The following CTBP2 variants were observed in gnomAD, a reference collection of about 807,000 sequenced individuals.
CTBP2 encodes C-terminal-binding protein 2.
In CTBP2, 30 loss-of-function variants were observed where a neutral mutation model predicts 80.3. That is an observed-to-expected ratio of 0.37 (90% CI 0.28 to 0.51). CTBP2 has a LOEUF of 0.51. Ranked by LOEUF, CTBP2 falls within the 20% of genes least tolerant of loss-of-function variation. The pLI, the probability that CTBP2 is intolerant of heterozygous loss-of-function variation, is 0.93. For missense variants in CTBP2, 1,212 were observed against 1,375.3 expected (o/e 0.88, Z 1.88); for synonymous variants, 594 against 587.4 (o/e 1.01, Z -0.16).
chr10:125,138,375 T>TGAAA (rs1338554107), intron 1 of CTBP2: 1 of 152,160 alleles, frequency 6.6e-6, no homozygotes, highest in African/African-American at 2.4e-5. Flanking sequence ...CGCTGACACT[T>TGAAA]GAAAGGCAAC....
intron 3 of CTBP2, among the ~76,000 whole-genome samples, chr10:125,037,643 G>T (rs918213294): frequency 6.6e-6 from 1 of 152,224 alleles, no homozygotes; most frequent in Non-Finnish European, 1.5e-5. Context: ...TAAACACAAT[G>T]CGTGACCCTT....
intron 1 of CTBP2, among the ~76,000 whole-genome samples, chr10:125,006,855 G>A (rs996785866): frequency 7.0e-6 from 1 of 143,832 alleles, no homozygotes; most frequent in Non-Finnish European, 1.5e-5. Flanking sequence ...GGCTTCCGAA[G>A]AACTGGGCTT....
At chr10:125,005,644 C>G (rs758589323) in intron 1 of CTBP2, 3 of 1,612,820 alleles carry the variant, frequency 1.9e-6, no homozygotes, top group East Asian at 2.2e-5. Flanking sequence ...CGTCACCTGA[C>G]GAGGAACCCG....
chr10:125,051,378 G>A lies in CTBP2; in HGVS notation c.-101-12223C>T, dbSNP rs185482899. Among the ~76,000 whole-genome samples the A allele has an allele frequency of 3.1e-3, 469 of 152,292 alleles. 3 individuals carry two copies. The highest frequency in any genetic ancestry group is 6.8e-3 in the Middle Eastern group (2 of 294). On this transcript the variant is annotated intron_variant, in intron 2 of 10. Transcript: ENST00000337195. Reference sequence around the variant, plus strand: ...TTTCAGGCCAGGCATGGTGGCTCACGCCTGTAATCCCAGCACTTTGGGAGG... The same window carrying A: ...TTTCAGGCCAGGCATGGTGGCTCACACCTGTAATCCCAGCACTTTGGGAGG...
At chr10:125,051,780 G>C (rs891674124) in intron 2 of CTBP2, among the ~76,000 whole-genome samples, 1 of 152,142 alleles carries the variant, frequency 6.6e-6, no homozygotes, top group Admixed American at 6.5e-5. Context: ...CCTCAGAATG[G>C]AACCTTATTT....
chr10:125,119,783 A>G (rs1312386203), intron 1 of CTBP2, among the ~76,000 whole-genome samples: 1 of 152,196 alleles, frequency 6.6e-6, no homozygotes, highest in East Asian at 1.9e-4. Context: ...TATTTTCTGC[A>G]AAGAGCATGA....
chr10:125,131,489 CAT>C (rs1344107934), intron 1 of CTBP2, among the ~76,000 whole-genome samples: 1 of 152,142 alleles, frequency 6.6e-6, no homozygotes, highest in Non-Finnish European at 1.5e-5. Context: ...GAAGTGAAGC[CAT>C]GAGGTTCATT....
chr10:125,069,195 C>T (rs1226589362), intron 2 of CTBP2, among the ~76,000 whole-genome samples: 1 of 152,202 alleles, frequency 6.6e-6, no homozygotes, highest in East Asian at 1.9e-4. Flanking sequence ...CCAGCTCCTA[C>T]AAATCAGGAC....
At chr10:125,033,082 G>A (rs148698985) in intron 3 of CTBP2, among the ~76,000 whole-genome samples, 68 of 152,276 alleles carry the variant, frequency 4.5e-4, no homozygotes, top group Non-Finnish European at 7.3e-4. Flanking sequence ...ATAAATCTGC[G>A]TCACCCATCC....
chr10:125,094,252 G>A (rs997970981), intron 2 of CTBP2, among the ~76,000 whole-genome samples: 9 of 152,144 alleles, frequency 5.9e-5, no homozygotes, highest in Non-Finnish European at 1.3e-4. Context: ...CACAAGTGGT[G>A]GAGCCATCCC....
chr10:125,127,299 A>T (rs1340843814), intron 1 of CTBP2, among the ~76,000 whole-genome samples: 6 of 151,942 alleles, frequency 3.9e-5, no homozygotes, highest in African/African-American at 1.5e-4. Flanking sequence ...AACAAGCCCA[A>T]TCCTGCCCTG....
intron 2 of CTBP2, among the ~76,000 whole-genome samples, chr10:125,083,969 T>C (rs904619700): frequency 2.0e-5 from 3 of 152,090 alleles, no homozygotes; most frequent in Non-Finnish European, 4.4e-5. Flanking sequence ...TTAGTAGATA[T>C]GGGGTTTCAC....
At chr10:125,147,899 G>A (rs75456377) in intron 1 of CTBP2, among the ~76,000 whole-genome samples, 12,077 of 151,612 alleles carry the variant, frequency 0.08, 670 homozygotes, top group Middle Eastern at 0.14. Context: ...CCCCCATCTC[G>A]GGAAAAAAAA....
In CTBP2 at chr10:125,027,137, C is replaced by T; in HGVS notation, c.623G>A (p.Ser208Asn). ...TTCGCTGATGTCGCTGAAGACCTGG[C>T]TGAGGGGGTAGGCAGGCACCTCCGC... Residue 208 changes from serine (S) to asparagine (N), a missense_variant, in exon 1 of 9, where the codon AGC becomes AAC. By Grantham distance (46) the Ser-to-Asn change is conservative (BLOSUM62 1). Coordinates refer to ENST00000309035, the MANE Select transcript of CTBP2 (RefSeq NM_022802.3). The T allele has an allele frequency of 1.2e-6, 2 of 1,604,152 alleles. No individual in the cohort carries two copies. Among genetic ancestry groups the T allele is most frequent in the African/African-American group, 1.3e-5 (1 of 74,830 alleles).
At chr10:125,037,427 C>G (rs1959012345) in intron 3 of CTBP2, among the ~76,000 whole-genome samples, 1 of 152,304 alleles carries the variant, frequency 6.6e-6, no homozygotes, top group Non-Finnish European at 1.5e-5. Flanking sequence ...GTTCCAGAAG[C>G]AAGTACTCAG....
At chr10:125,028,963 GGAACAGTACCAGA>G (rs1189973906), upstream of CTBP2, among the ~76,000 whole-genome samples, 1 of 152,178 alleles carries the variant, frequency 6.6e-6, no homozygotes, top group Non-Finnish European at 1.5e-5. Context: ...TTAAACATAT[GGAACAGTACCAGA>G]GAAGCAACAT....
At chr10:125,085,154 G>A (rs903997640) in intron 2 of CTBP2, among the ~76,000 whole-genome samples, 1 of 152,188 alleles carries the variant, frequency 6.6e-6, no homozygotes, top group East Asian at 1.9e-4. Flanking sequence ...ACATCAGCAG[G>A]AGAAATGAGG....
At chr10:125,031,512 A>AAAAAAC, upstream of CTBP2, among the ~76,000 whole-genome samples, 1 of 149,440 alleles carries the variant, frequency 6.7e-6, no homozygotes, top group Non-Finnish European at 1.5e-5. Flanking sequence ...AAAAAAAAAA[A>AAAAAAC]AGTCTTTCCT....
intron 2 of CTBP2, among the ~76,000 whole-genome samples, chr10:125,068,107 G>A (rs1344865716): frequency 6.6e-6 from 1 of 152,202 alleles, no homozygotes; most frequent in South Asian, 2.1e-4. Flanking sequence ...AAGCGAGGAA[G>A]ATGACAGCCA....
Sources: allele counts gnomAD v4.1 joint callset (sites outside exome capture counted in the v4.1 genomes callset), GRCh38; gene constraint gnomAD v4.1.1; transcripts MANE v1.5; gene names NCBI Gene and HGNC (gene_info 2026-07-23, HGNC 2026-07-21).